Variants in RIT2 observed in about 807,000 individuals in gnomAD.
RIT2 encodes the protein Ras like without CAAX 2.
A neutral mutation model predicts 23.7 loss-of-function variants in RIT2; 24 were observed. That is an observed-to-expected ratio of 1.01 (90% CI 0.73 to 1.43). The LOEUF is 1.43. Ranked by LOEUF, RIT2 falls within the 40% of genes most tolerant of loss-of-function variation. RIT2 has a pLI of 0.00. For synonymous variants in RIT2, 107 were observed against 91.1 expected, an observed-to-expected ratio of 1.17 and a Z score of -0.99; for missense variants, 236 against 266.9, an observed-to-expected ratio of 0.88 and a Z score of 0.81.
chr18:42,802,830 C>A (rs1905579323), intron 4 of RIT2, among the ~76,000 whole-genome samples: 1 of 152,144 alleles, frequency 6.6e-6, no homozygotes, highest in Admixed American at 6.6e-5. Context: ...TATTGTCAGG[C>A]ATTTTGAAAT....
intron 2 of RIT2, among the ~76,000 whole-genome samples, chr18:43,000,244 T>C (rs1330014337): frequency 1.3e-5 from 2 of 152,120 alleles, no homozygotes; most frequent in Non-Finnish European, 2.9e-5. Flanking sequence ...TTGCCATGTG[T>C]CACAATTTGC....
intron 1 of RIT2, among the ~76,000 whole-genome samples, chr18:43,090,325 C>T (rs898786126): frequency 6.6e-6 from 1 of 152,032 alleles, no homozygotes; most frequent in Non-Finnish European, 1.5e-5. Context: ...AATGAGATAC[C>T]ATCTCACACC....
chr18:42,877,150 C>G (rs943196573), intron 4 of RIT2, among the ~76,000 whole-genome samples: 3 of 151,720 alleles, frequency 2.0e-5, no homozygotes, highest in Admixed American at 6.6e-5. Flanking sequence ...AAGAAGAAAA[C>G]TACCAAATTA....
chr18:42,995,519 C>T (rs1004988456), intron 2 of RIT2, among the ~76,000 whole-genome samples: 8 of 152,236 alleles, frequency 5.3e-5, no homozygotes, highest in African/African-American at 1.7e-4. Context: ...TATAGCAGAC[C>T]GGCCTTTATT....
At chr18:42,962,897 T>G (rs1387734537) in intron 3 of RIT2, among the ~76,000 whole-genome samples, 1 of 152,178 alleles carries the variant, frequency 6.6e-6, no homozygotes, top group Non-Finnish European at 1.5e-5. Flanking sequence ...CCTCTTCAAA[T>G]TCTATTGATC....
Position 42,913,027 on chromosome 18 carries a change from G to T in RIT2, c.426+10545C>A, listed in dbSNP as rs933826081. On this transcript the variant is annotated intron_variant, in intron 4 of 4. Transcript: ENST00000326695. ...TATGTATGTATGCTGAACTAATCAAGTCAGTCTGGTAGTGGCAGAAAGACG... is the reference window on the plus strand; with the variant it reads ...TATGTATGTATGCTGAACTAATCAATTCAGTCTGGTAGTGGCAGAAAGACG... Among the ~76,000 whole-genome samples, 6 of 151,982 alleles carry T rather than the reference G, an allele frequency of 3.9e-5. No homozygotes were observed. The South Asian group carries it at 8.3e-4, about 21-fold the overall frequency.
chr18:43,039,349 C>CTTTTTTTTTTTTTTTTTTTTTTTT (rs1251475840), intron 1 of RIT2, among the ~76,000 whole-genome samples: 1 of 133,268 alleles, frequency 7.5e-6, no homozygotes, highest in African/African-American at 2.8e-5. Context: ...TTTTTCTTTT[C>CTTTTTTTTTTTTTTTTTTTTTTTT]TTTTTTTTTT....
chr18:43,016,266 TG>T (rs1911472140), intron 2 of RIT2, among the ~76,000 whole-genome samples: 2 of 151,864 alleles, frequency 1.3e-5, no homozygotes, highest in Admixed American at 1.3e-4. Flanking sequence ...AAATTTTAGT[TG>T]TTTTCTAATA....
chr18:43,109,472 C>T (rs1050047823), intron 1 of RIT2, among the ~76,000 whole-genome samples: 1 of 152,090 alleles, frequency 6.6e-6, no homozygotes, highest in African/African-American at 2.4e-5. Context: ...CCCTTTGTGC[C>T]CCTGTATACA....
intron 1 of RIT2, among the ~76,000 whole-genome samples, chr18:43,066,253 C>T (rs1487239419): frequency 6.6e-6 from 1 of 152,084 alleles, no homozygotes; most frequent in African/African-American, 2.4e-5. Context: ...AAGTGCCCAT[C>T]CAGAATGATC....
intron 4 of RIT2, among the ~76,000 whole-genome samples, chr18:42,839,755 A>G (rs577598937): frequency 1.3e-5 from 2 of 152,346 alleles, no homozygotes; most frequent in African/African-American, 4.8e-5. Context: ...GAGAATGAAC[A>G]TACGAATGGA....
chr18:42,890,050 T>C (rs904897134), intron 4 of RIT2, among the ~76,000 whole-genome samples: 180 of 152,242 alleles, frequency 1.2e-3, no homozygotes, highest in African/African-American at 3.8e-3. Context: ...TATTGTATGA[T>C]GCATTATGTT....
chr18:42,790,052 A>AATGCTTTTTCT (rs1914007648), intron 4 of RIT2, among the ~76,000 whole-genome samples: 2 of 152,142 alleles, frequency 1.3e-5, no homozygotes, highest in African/African-American at 4.8e-5. Flanking sequence ...AATCTTATCA[A>AATGCTTTTTCT]ATGCTTTTTC....
chr18:43,089,741 T>C (rs1225436938), intron 1 of RIT2, among the ~76,000 whole-genome samples: 1 of 151,964 alleles, frequency 6.6e-6, no homozygotes, highest in Non-Finnish European at 1.5e-5. Context: ...GCTGCATACT[T>C]ACAACTATCT....
At chr18:42,941,259 A>G (rs1326482461) in intron 3 of RIT2, among the ~76,000 whole-genome samples, 1 of 152,150 alleles carries the variant, frequency 6.6e-6, no homozygotes, top group African/African-American at 2.4e-5. Context: ...CTGGCTGTAC[A>G]TAGAATTGGG....
At chr18:43,079,959 A>G (rs4536548) in intron 1 of RIT2, among the ~76,000 whole-genome samples, 33,215 of 152,134 alleles carry the variant, frequency 0.22, 4,139 homozygotes, top group East Asian at 0.55. Flanking sequence ...TACTCATTAC[A>G]TGTGATGACA....
At chr18:42,885,149 G>T (rs565733725) in intron 4 of RIT2, among the ~76,000 whole-genome samples, 2 of 152,206 alleles carry the variant, frequency 1.3e-5, no homozygotes, top group East Asian at 3.9e-4. Context: ...TAAAATGAGA[G>T]CATTGAAATG....
chr18:43,087,568 G>T (rs1241013836), intron 1 of RIT2, among the ~76,000 whole-genome samples: 2 of 152,006 alleles, frequency 1.3e-5, no homozygotes, highest in East Asian at 1.9e-4. Context: ...CCTTCTCTCT[G>T]GTCCTACAGT....
At chr18:43,075,790 G>T (rs1316506033) in intron 1 of RIT2, among the ~76,000 whole-genome samples, 1 of 152,056 alleles carries the variant, frequency 6.6e-6, no homozygotes, top group Non-Finnish European at 1.5e-5. Flanking sequence ...AACCCTGTCA[G>T]TCTCATCAGA....
Sources: allele counts gnomAD v4.1 joint callset (sites outside exome capture counted in the v4.1 genomes callset), GRCh38; gene constraint gnomAD v4.1.1; transcripts MANE v1.5; gene names NCBI Gene and HGNC (gene_info 2026-07-23, HGNC 2026-07-21).